THSD7B: variants seen among roughly 807,000 people sequenced by gnomAD.
THSD7B encodes thrombospondin type-1 domain-containing protein 7B.
THSD7B carries 138 observed loss-of-function variants against 213.6 expected under a neutral mutation model. That is an observed-to-expected ratio of 0.65 (90% confidence interval 0.56 to 0.74). The LOEUF (loss-of-function observed/expected upper bound fraction) is 0.74, where lower values mean the gene tolerates loss of function less well. Ranked by LOEUF, THSD7B falls within the 30% of genes least tolerant of loss-of-function variation. THSD7B has a pLI of 0.00. For missense variants in THSD7B, 1,931 were observed against 1,991.5 expected (o/e 0.97, Z 0.58); for synonymous variants, 742 against 687.0 (o/e 1.08, Z -1.25).
rs1684643352 is a variant in THSD7B, at chr2:136,932,212, A to G, written c.139+49895A>G. Among the ~76,000 whole-genome samples, 2 of 152,220 alleles carry G rather than the reference A, an allele frequency of 1.3e-5. 1 individual carries two copies. Among genetic ancestry groups the G allele is most frequent in the South Asian group, 4.1e-4 (2 of 4,834 alleles). The stretch of plus-strand genomic sequence containing the variant: ...TTTTAGCTCATTGTAGAAATCAAAG[A>G]GTGAGATGGAAAGAGGAAAGATAAG... On this transcript the variant is annotated intron_variant, in intron 2 of 27. Coordinates refer to ENST00000409968, the MANE Select transcript of THSD7B (RefSeq NM_001316349.2).
At chr2:137,259,643 T>C (rs1176632913) in intron 10 of THSD7B, among the ~76,000 whole-genome samples, 1 of 152,148 alleles carries the variant, frequency 6.6e-6, no homozygotes, top group Non-Finnish European at 1.5e-5. Context: ...GCCTGTTCAA[T>C]CTGATGCTAG....
intron 10 of THSD7B, among the ~76,000 whole-genome samples, chr2:137,266,843 G>C (rs1682602747): frequency 1.3e-5 from 2 of 152,144 alleles, no homozygotes; most frequent in African/African-American, 2.4e-5. Context: ...CCCACTTGCT[G>C]TTCCCCTACT....
Position 137,156,939 on chromosome 2 carries a change from T to C in THSD7B, c.1370-3274T>C, listed in dbSNP as rs114667872. On this transcript the variant is annotated intron_variant, in intron 5 of 27. Transcript: ENST00000409968. The stretch of plus-strand genomic sequence containing the variant: ...AGTATCTTCTTAGTAATGAGAGAGA[T>C]AGTCATGGCAAGGAAAAGAGGGCAG... Among the ~76,000 whole-genome samples, 334 of 152,250 alleles carry C rather than the reference T, an allele frequency of 2.2e-3. 4 individuals are homozygous for C. Among genetic ancestry groups the C allele is most frequent in the African/African-American group, 7.6e-3 (314 of 41,552 alleles).
intron 2 of THSD7B, among the ~76,000 whole-genome samples, chr2:137,013,848 A>G (rs1686284589): frequency 6.6e-6 from 1 of 152,226 alleles, no homozygotes; most frequent in South Asian, 2.1e-4. Context: ...ATTTTTAGAA[A>G]GGAGTCAGTC....
chr2:137,052,277 G>T (rs1236868064), intron 2 of THSD7B, among the ~76,000 whole-genome samples: 1 of 152,108 alleles, frequency 6.6e-6, no homozygotes, highest in East Asian at 1.9e-4. Flanking sequence ...CATAATGTTT[G>T]CCCAAGTAAA....
At chr2:136,773,220 T>C (rs1681539154) in intron 1 of THSD7B, among the ~76,000 whole-genome samples, 1 of 152,108 alleles carries the variant, frequency 6.6e-6, no homozygotes, top group African/African-American at 2.4e-5. Flanking sequence ...GAACATATAC[T>C]GTGTGCCAGA....
At chr2:137,664,224 C>T (rs1486137155) in intron 26 of THSD7B, among the ~76,000 whole-genome samples, 3 of 152,152 alleles carry the variant, frequency 2.0e-5, no homozygotes, top group Non-Finnish European at 4.4e-5. Flanking sequence ...GTATATATAA[C>T]TAAAATGACA....
chr2:137,517,268 C>T (rs1469113969), intron 15 of THSD7B, among the ~76,000 whole-genome samples: 2 of 152,234 alleles, frequency 1.3e-5, no homozygotes, highest in East Asian at 3.9e-4. Flanking sequence ...CTTTGTGCTT[C>T]CACAAGATAT....
chr2:137,188,057 T>G (rs1248778575), intron 7 of THSD7B, among the ~76,000 whole-genome samples: 1 of 152,208 alleles, frequency 6.6e-6, no homozygotes, highest in East Asian at 1.9e-4. Flanking sequence ...ACACTTAGCA[T>G]GGTGCCTGGC....
intron 5 of THSD7B, among the ~76,000 whole-genome samples, chr2:137,133,372 T>G (rs1277274232): frequency 1.3e-5 from 2 of 152,306 alleles, no homozygotes; most frequent in Non-Finnish European, 2.9e-5. Context: ...GAACATAAAC[T>G]TCTTTATTCA....
chr2:137,608,116 C>T (rs1558858070), intron 17 of THSD7B, among the ~76,000 whole-genome samples: 3 of 152,168 alleles, frequency 2.0e-5, no homozygotes. Flanking sequence ...CAAGCCAGGC[C>T]CCTAGACTGG....
rs550523869 is a variant in THSD7B, at chr2:137,362,686, C to G, written c.2501-42927C>G. On this transcript the variant is annotated intron_variant, in intron 12 of 27. Coordinates refer to ENST00000409968, the MANE Select transcript of THSD7B (RefSeq NM_001316349.2). ...GGATCAATTCAACAAGATGAGCTAA[C>G]TATCCTAAATATATATGCACCCAAT... 7.9e-5 allele frequency among the ~76,000 whole-genome samples: 12 copies of G among 152,312 alleles called. No homozygotes were observed. The South Asian group carries it at 2.5e-3, about 32-fold the overall frequency.
At chr2:137,557,550 G>A (rs1681004378) in intron 15 of THSD7B, among the ~76,000 whole-genome samples, 1 of 152,036 alleles carries the variant, frequency 6.6e-6, no homozygotes, top group Non-Finnish European at 1.5e-5. Flanking sequence ...GAATCTCTGG[G>A]ACACATTTAA....
intron 2 of THSD7B, among the ~76,000 whole-genome samples, chr2:136,989,026 G>A (rs937299914): frequency 6.6e-6 from 1 of 152,184 alleles, no homozygotes; most frequent in Admixed American, 6.5e-5. Flanking sequence ...GCAGGGTATT[G>A]GGGTAAGGAT....
At chr2:136,859,804 A>G (rs1036243787) in intron 1 of THSD7B, among the ~76,000 whole-genome samples, 1 of 152,186 alleles carries the variant, frequency 6.6e-6, no homozygotes, top group Non-Finnish European at 1.5e-5. Flanking sequence ...CCCAGCACTG[A>G]AAGTGTCAGG....
intron 12 of THSD7B, among the ~76,000 whole-genome samples, chr2:137,395,957 G>T (rs1190684816): frequency 6.6e-6 from 1 of 152,104 alleles, no homozygotes; most frequent in Admixed American, 6.5e-5. Flanking sequence ...GCATAGAGGT[G>T]TTTGTAGTGT....
At chr2:137,048,919 C>T (rs937495205) in intron 2 of THSD7B, among the ~76,000 whole-genome samples, 1 of 152,200 alleles carries the variant, frequency 6.6e-6, no homozygotes, top group Non-Finnish European at 1.5e-5. Context: ...AGGAGAAAGT[C>T]CTTCAGGAGA....
At chr2:137,373,473 T>C (rs1428157701) in intron 12 of THSD7B, among the ~76,000 whole-genome samples, 3 of 152,212 alleles carry the variant, frequency 2.0e-5, no homozygotes, top group African/African-American at 7.2e-5. Flanking sequence ...TTTTCATGTG[T>C]TTTTTGGCTG....
chr2:137,458,852 T>A (rs1687823380), intron 15 of THSD7B, among the ~76,000 whole-genome samples: 1 of 152,336 alleles, frequency 6.6e-6, no homozygotes, highest in East Asian at 1.9e-4. Flanking sequence ...TTCATAAAGA[T>A]CAGTGATTAC....
Sources: allele counts gnomAD v4.1 joint callset (sites outside exome capture counted in the v4.1 genomes callset), GRCh38; gene constraint gnomAD v4.1.1; transcripts MANE v1.5; gene names NCBI Gene and HGNC (gene_info 2026-07-23, HGNC 2026-07-21).